Variants in TSNARE1 observed in about 807,000 individuals in gnomAD.
The protein encoded by TSNARE1 is t-SNARE domain containing 1.
A neutral mutation model predicts 62.0 loss-of-function variants in TSNARE1; 49 were observed. That is an observed-to-expected ratio of 0.79 (90% CI 0.63 to 1.00). The LOEUF is 1.00. Ranked by LOEUF, TSNARE1 falls within the 50% of genes least tolerant of loss-of-function variation. The probability of loss-of-function intolerance (pLI) is 0.00; values close to 1 mark genes in which losing one functional copy is unlikely to be tolerated. For synonymous variants in TSNARE1, 328 were observed against 294.4 expected (o/e 1.11, Z -1.17); for missense variants, 755 against 700.1 (o/e 1.08, Z -0.88).
intron 1 of TSNARE1, among the ~76,000 whole-genome samples, chr8:142,362,720 T>C (rs1563986896): frequency 6.6e-6 from 1 of 152,148 alleles, no homozygotes; most frequent in African/African-American, 2.4e-5. Context: ...TCAATGAGTT[T>C]TGGAGGGGAC....
At chr8:142,238,670 C>T (rs1254326732) in intron 12 of TSNARE1, among the ~76,000 whole-genome samples, 1 of 151,922 alleles carries the variant, frequency 6.6e-6, no homozygotes, top group Admixed American at 6.5e-5. Context: ...ACCTCCCCAG[C>T]CCCTCCCCTG....
intron 8 of TSNARE1, among the ~76,000 whole-genome samples, chr8:142,314,703 G>A (rs1312705346): frequency 6.6e-6 from 1 of 152,210 alleles, no homozygotes; most frequent in Non-Finnish European, 1.5e-5. Context: ...GTCCACGCGT[G>A]GGAGCTCTCT....
At chr8:142,375,636 T>C (rs1836272729) in intron 1 of TSNARE1, among the ~76,000 whole-genome samples, 2 of 152,180 alleles carry the variant, frequency 1.3e-5, no homozygotes, top group Admixed American at 1.3e-4. Context: ...CACTGCATGC[T>C]CTCTCAAAGG....
rs1563927842 is a variant in TSNARE1, at chr8:142,330,922, G to GT, written c.871dup (p.Thr291AsnfsTer86). ...TCACAGGCTGTCCCGAAGCTCCTGC[G>GT]TGTCACTCGGTGTCCCTAAGGACTG... is the stretch of plus-strand genomic sequence containing the variant. On this transcript the variant is annotated frameshift_variant, in exon 6 of 14. Coordinates refer to ENST00000524325, the MANE Select transcript of TSNARE1 (RefSeq NM_145003.5). LOFTEE classifies it high-confidence loss of function. 6.2e-7 allele frequency: 1 copy of GT among 1,614,104 alleles called. No homozygotes were observed. Among genetic ancestry groups the GT allele is most frequent in the East Asian group, 2.2e-5 (1 of 44,874 alleles).
In TSNARE1 at chr8:142,329,609, G is replaced by A. The variant is rs189409580; in HGVS notation, c.893+1292C>T. Among the ~76,000 whole-genome samples, 281 of 152,324 alleles carry A rather than the reference G, an allele frequency of 1.8e-3. 1 individual carries two copies. Among genetic ancestry groups the A allele is most frequent in the African/African-American group, 6.5e-3 (272 of 41,568 alleles). ...TATCTGCATCAACAGGGCCCTCTGA[G>A]AGGCCACACGTTTCCTGAGCCCGAG... On this transcript the variant is annotated intron_variant, in intron 6 of 13. Transcript: ENST00000524325.
At chr8:142,256,522 A>AACCATC (rs1369154002) in intron 12 of TSNARE1, among the ~76,000 whole-genome samples, 1 of 87,396 alleles carries the variant, frequency 1.1e-5, no homozygotes, top group Non-Finnish European at 2.4e-5. Context: ...CCACCACCAC[A>AACCATC]ACCATCACCA....
At chr8:142,271,633 C>T (rs1352597488) in intron 12 of TSNARE1, 4 of 1,427,218 alleles carry the variant, frequency 2.8e-6, no homozygotes, top group Non-Finnish European at 9.1e-7. Context: ...GCAGGCTGGG[C>T]CCTTCCAGGG....
intron 8 of TSNARE1, among the ~76,000 whole-genome samples, 161 bp from the exon 9 acceptor site, chr8:142,314,601 C>T (rs1299217781): frequency 2.0e-5 from 3 of 151,868 alleles, no homozygotes; most frequent in Admixed American, 6.6e-5. Context: ...GCTCTGCCAG[C>T]GACTCGCTGG....
intron 9 of TSNARE1, among the ~76,000 whole-genome samples, chr8:142,301,025 G>A (rs1825662567): frequency 2.4e-5 from 2 of 82,150 alleles, no homozygotes; most frequent in Non-Finnish European, 5.1e-5. Context: ...CTGAAAACGC[G>A]ACAACAGCGG....
chr8:142,250,511 G>A (rs1818111092), intron 12 of TSNARE1, among the ~76,000 whole-genome samples: 4 of 152,324 alleles, frequency 2.6e-5, no homozygotes, highest in South Asian at 2.1e-4. Flanking sequence ...ACACTCACCC[G>A]CCAGTGAAGG....
At chr8:142,285,642 G>A (rs918698295) in intron 10 of TSNARE1, among the ~76,000 whole-genome samples, 13 of 152,114 alleles carry the variant, frequency 8.5e-5, no homozygotes, top group African/African-American at 3.1e-4. Flanking sequence ...GTCAATGAGC[G>A]GCTAAGTGGA....
Position 142,356,934 on chromosome 8 carries a change from G to C in TSNARE1, c.-39-2171C>G, listed in dbSNP as rs11985889. On this transcript the variant is annotated intron_variant, in intron 1 of 13. Coordinates refer to ENST00000524325, the MANE Select transcript of TSNARE1 (RefSeq NM_145003.5). ...TGTGTTAACAGCCCCAGGACAGGAA[G>C]GGGGGACGCCAAGAAAGGGACTTTC... Among the ~76,000 whole-genome samples, 915 of 147,508 alleles carry C rather than the reference G, an allele frequency of 6.2e-3. 10 individuals carry two copies. The highest frequency in any genetic ancestry group is 0.021 in the African/African-American group (858 of 41,140).
At chr8:142,298,979 C>T (rs1245891531) in intron 10 of TSNARE1, among the ~76,000 whole-genome samples, 2 of 152,212 alleles carry the variant, frequency 1.3e-5, no homozygotes, top group African/African-American at 2.4e-5. Flanking sequence ...AGCATCTCAG[C>T]AGCAGCAAAG....
At chr8:142,310,893 A>C (rs1319245836) in intron 9 of TSNARE1, among the ~76,000 whole-genome samples, 1 of 152,094 alleles carries the variant, frequency 6.6e-6, no homozygotes, top group Non-Finnish European at 1.5e-5. Flanking sequence ...TCCGTCCCCC[A>C]GGCTGGAATG....
intron 1 of TSNARE1, 55 bp from the exon 2 acceptor site, chr8:142,354,818 T>C: frequency 9.2e-7 from 1 of 1,091,432 alleles, no homozygotes; most frequent in South Asian, 1.3e-5. Flanking sequence ...GGATTAAAGC[T>C]CCAATTCAGG....
chr8:142,271,637 TC>T, intron 12 of TSNARE1: 1 of 1,416,978 alleles, frequency 7.1e-7, no homozygotes, highest in Non-Finnish European at 9.2e-7. Context: ...GCTGGGCCCT[TC>T]CAGGGACCTC....
At chr8:142,305,466 C>T (rs1397840700) in intron 9 of TSNARE1, among the ~76,000 whole-genome samples, 4 of 152,052 alleles carry the variant, frequency 2.6e-5, no homozygotes, top group Non-Finnish European at 5.9e-5. Context: ...GCCGTGTGGA[C>T]ACCCAGGAAG....
At chr8:142,359,768 G>A (rs1412942375) in intron 1 of TSNARE1, among the ~76,000 whole-genome samples, 1 of 152,186 alleles carries the variant, frequency 6.6e-6, no homozygotes, top group Non-Finnish European at 1.5e-5. Context: ...CCCCATTCAA[G>A]AAGAGGACAC....
intron 1 of TSNARE1, among the ~76,000 whole-genome samples, chr8:142,397,275 C>A (rs2067190648): frequency 6.6e-6 from 1 of 150,668 alleles, no homozygotes; most frequent in South Asian, 2.1e-4. Context: ...AGAGGCAGCT[C>A]CGCCTACCCT....
Sources: allele counts gnomAD v4.1 joint callset (sites outside exome capture counted in the v4.1 genomes callset), GRCh38; gene constraint gnomAD v4.1.1; transcripts MANE v1.5; gene names NCBI Gene and HGNC (gene_info 2026-07-23, HGNC 2026-07-21).